ATP8A2: variants seen among roughly 807,000 people sequenced by gnomAD.
ATP8A2 encodes phospholipid-transporting ATPase IB.
Under a neutral mutation model 165.6 loss-of-function variants are expected in ATP8A2, and 100 were observed. The observed-to-expected ratio is 0.60, with a 90% CI of 0.51 to 0.71. The LOEUF is 0.71. Among genes scored for constraint, ATP8A2 ranks in the 30% least tolerant of loss-of-function variants. ATP8A2 has a pLI of 0.00. For missense variants in ATP8A2, 1,227 were observed against 1,479.5 expected, an observed-to-expected ratio of 0.83 and a Z score of 2.80; for synonymous variants, 543 against 548.8, an observed-to-expected ratio of 0.99 and a Z score of 0.15.
At chr13:25,839,442 G>A in intron 29 of ATP8A2, 104 bp from the exon 30 acceptor site, 1 of 781,630 alleles carries the variant, frequency 1.3e-6, no homozygotes, top group Admixed American at 1.9e-5. Flanking sequence ...CTGGAACCGT[G>A]CAGCGCACGG....
chr13:25,752,579 C>T (rs375173314), intron 25 of ATP8A2, among the ~76,000 whole-genome samples: 12 of 152,254 alleles, frequency 7.9e-5, no homozygotes, highest in African/African-American at 2.9e-4. Flanking sequence ...ATGTATTGTT[C>T]TGGAAGAATG....
At chr13:25,946,621 G>A (rs903579343) in intron 33 of ATP8A2, among the ~76,000 whole-genome samples, 3 of 152,172 alleles carry the variant, frequency 2.0e-5, no homozygotes, top group Non-Finnish European at 4.4e-5. Flanking sequence ...GGGAGCGAGG[G>A]CACACCCTGG....
At chr13:25,542,785 C>T (rs1447424470) in intron 9 of ATP8A2, among the ~76,000 whole-genome samples, 1 of 152,128 alleles carries the variant, frequency 6.6e-6, no homozygotes, top group Admixed American at 6.6e-5. Context: ...ATGGGCTCCC[C>T]ATTCTGAGTT....
intron 27 of ATP8A2, among the ~76,000 whole-genome samples, chr13:25,776,879 C>G (rs2044754924): frequency 6.6e-6 from 1 of 152,138 alleles, no homozygotes; most frequent in Admixed American, 6.5e-5. Context: ...GACTTCTTAT[C>G]AAGACATTCT....
chr13:25,695,821 A>G (rs915046712), intron 24 of ATP8A2, among the ~76,000 whole-genome samples: 14 of 139,888 alleles, frequency 1.0e-4, no homozygotes, highest in African/African-American at 3.3e-4. Flanking sequence ...AAAGTTATGC[A>G]TGAGGGTTGA....
intron 33 of ATP8A2, among the ~76,000 whole-genome samples, chr13:25,914,566 C>G (rs1256151332): frequency 6.6e-6 from 1 of 152,196 alleles, no homozygotes; most frequent in African/African-American, 2.4e-5. Flanking sequence ...CCCTCCTCTC[C>G]TTCACCAGTA....
chr13:25,973,853 C>T lies in ATP8A2; in HGVS notation c.3377+5174C>T, dbSNP rs192525126. Among the ~76,000 whole-genome samples, 5 of 152,308 alleles carry T rather than the reference C, an allele frequency of 3.3e-5. No individual in the cohort carries two copies. In the East Asian group the frequency reaches 9.7e-4, roughly 29 times the overall value. ...AAATCGGTTTTTTCACAGTACTGGC[C>T]GTTGGCAGTGCACATGTGGTGCATC... On this transcript the variant is annotated intron_variant, in intron 35 of 36. Transcript: ENST00000381655.
intron 36 of ATP8A2, among the ~76,000 whole-genome samples, chr13:26,015,693 A>G (rs1166416765): frequency 6.6e-6 from 1 of 152,192 alleles, no homozygotes; most frequent in African/African-American, 2.4e-5. Flanking sequence ...CCTTTCACCT[A>G]CACGATTCTG....
chr13:25,410,840 C>T (rs934315046), intron 1 of ATP8A2, among the ~76,000 whole-genome samples: 2 of 152,228 alleles, frequency 1.3e-5, no homozygotes, highest in Non-Finnish European at 2.9e-5. Flanking sequence ...TTGAGAGTTT[C>T]TCTGAACTGA....
intron 1 of ATP8A2, among the ~76,000 whole-genome samples, chr13:25,380,909 T>C (rs922936303): frequency 2.0e-5 from 3 of 152,170 alleles, no homozygotes; most frequent in African/African-American, 7.2e-5. Flanking sequence ...TTGTTTTTCT[T>C]CCCTGCCCCC....
chr13:25,440,056 G>C (rs894162789), intron 1 of ATP8A2, among the ~76,000 whole-genome samples: 1 of 152,116 alleles, frequency 6.6e-6, no homozygotes, highest in African/African-American at 2.4e-5. Flanking sequence ...CCATCCATCT[G>C]TCCTTCTTCT....
At chr13:25,615,998 A>G (rs2138468493) in intron 24 of ATP8A2, among the ~76,000 whole-genome samples, 1 of 152,260 alleles carries the variant, frequency 6.6e-6, no homozygotes, top group South Asian at 2.1e-4. Flanking sequence ...AAAAGTTCAC[A>G]ATATGAGTCT....
intron 35 of ATP8A2, among the ~76,000 whole-genome samples, chr13:26,004,412 A>C (rs995633201): frequency 6.6e-6 from 1 of 152,020 alleles, no homozygotes; most frequent in African/African-American, 2.4e-5. Context: ...TTTTTGGTGG[A>C]GTCTTTAGGA....
At chr13:25,595,779 G>T (rs2040221467) in intron 24 of ATP8A2, among the ~76,000 whole-genome samples, 1 of 152,146 alleles carries the variant, frequency 6.6e-6, no homozygotes, top group South Asian at 2.1e-4. Context: ...TCAATACATG[G>T]TGCTCCAGCA....
chr13:25,714,840 A>C (rs527557076), intron 25 of ATP8A2, among the ~76,000 whole-genome samples: 11 of 152,306 alleles, frequency 7.2e-5, no homozygotes, highest in Middle Eastern at 3.4e-3. Flanking sequence ...GTTCTTGGCT[A>C]TCTACTTGTA....
intron 25 of ATP8A2, among the ~76,000 whole-genome samples, chr13:25,766,869 G>C (rs2044501588): frequency 2.6e-5 from 4 of 152,168 alleles, no homozygotes; most frequent in Admixed American, 2.0e-4. Context: ...TGGAGTGTGA[G>C]ATGCAATTGT....
chr13:25,747,217 A>G (rs924372708), intron 25 of ATP8A2, among the ~76,000 whole-genome samples: 1 of 152,238 alleles, frequency 6.6e-6, no homozygotes, highest in Non-Finnish European at 1.5e-5. Flanking sequence ...TCATTTATTT[A>G]TTCAGTAGCA....
At chr13:25,538,928 A>G (rs189772540) in intron 7 of ATP8A2, among the ~76,000 whole-genome samples, 121 of 152,282 alleles carry the variant, frequency 7.9e-4, no homozygotes, top group Admixed American at 2.1e-3. Context: ...AAAAGAACCA[A>G]TAACACAGGG....
rs540015624 is a variant in ATP8A2 at position 25,513,166 on chromosome 13, C to T, written c.222-16833C>T. 7.8e-4 allele frequency among the ~76,000 whole-genome samples: 118 copies of T among 150,990 alleles called. 1 individual carries two copies. Among genetic ancestry groups the T allele is most frequent in the African/African-American group, 2.7e-3 (111 of 41,094 alleles). On this transcript the variant is annotated intron_variant, in intron 2 of 36. Transcript: ENST00000381655. Reference sequence around the variant, plus strand: ...GGGGCTCCTCACCTCTCAGATGGGGCGGCTGCCGGGCGGAGAGGCTCCTCA... The same window carrying T: ...GGGGCTCCTCACCTCTCAGATGGGGTGGCTGCCGGGCGGAGAGGCTCCTCA...
Sources: allele counts gnomAD v4.1 joint callset (sites outside exome capture counted in the v4.1 genomes callset), GRCh38; gene constraint gnomAD v4.1.1; transcripts MANE v1.5; gene names NCBI Gene and HGNC (gene_info 2026-07-23, HGNC 2026-07-21).